Variants in OPCML observed in about 807,000 individuals in gnomAD.
The protein encoded by OPCML is opioid binding protein/cell adhesion molecule like.
In OPCML, 13 loss-of-function variants were observed where a neutral mutation model predicts 37.8. The ratio of observed to expected loss-of-function variants is 0.34; its 90% CI spans 0.22 to 0.55. The LOEUF (loss-of-function observed/expected upper bound fraction) is 0.55, where lower values mean the gene tolerates loss of function less well. Ranked by LOEUF, OPCML falls within the 20% of genes least tolerant of loss-of-function variation. The probability of loss-of-function intolerance (pLI) is 0.91; values close to 1 mark genes in which losing one functional copy is unlikely to be tolerated. For missense variants in OPCML, 341 were observed against 435.6 expected, an observed-to-expected ratio of 0.78 and a Z score of 1.93; for synonymous variants, 176 against 168.8, an observed-to-expected ratio of 1.04 and a Z score of -0.33.
rs115936764 is a variant in OPCML at position 133,363,325 on chromosome 11, G to A, written c.61+168939C>T. Among the ~76,000 whole-genome samples, 924 of 152,304 alleles carry A rather than the reference G, an allele frequency of 6.1e-3. 8 individuals carry two copies. The highest frequency in any genetic ancestry group is 0.02 in the African/African-American group (841 of 41,568). ...GGAAACGAGTCTTCGCCAAGGCAGCGCAGAGGGCCGAGGGGTGGGGCGCAC... is the reference window on the plus strand; with the variant it reads ...GGAAACGAGTCTTCGCCAAGGCAGCACAGAGGGCCGAGGGGTGGGGCGCAC... On this transcript the variant is annotated intron_variant, in intron 1 of 7. Coordinates refer to ENST00000524381, the MANE Select transcript of OPCML (RefSeq NM_001012393.5).
intron 4 of OPCML, among the ~76,000 whole-genome samples, chr11:132,471,053 C>T (rs1297891975): frequency 1.1e-4 from 17 of 151,988 alleles, no homozygotes; most frequent in Non-Finnish European, 2.2e-4. Context: ...AAAAGTGGTT[C>T]GAAAAGAAGC....
chr11:132,533,979 A>G (rs2096333366), intron 3 of OPCML, among the ~76,000 whole-genome samples: 1 of 152,192 alleles, frequency 6.6e-6, no homozygotes, highest in African/African-American at 2.4e-5. Flanking sequence ...ACAATGACTG[A>G]CATGCAGTAA....
chr11:133,326,721 TG>T (rs1385765312), intron 1 of OPCML, among the ~76,000 whole-genome samples: 1 of 67,806 alleles, frequency 1.5e-5, no homozygotes, highest in Non-Finnish European at 2.7e-5. Context: ...GGGGTGTGGG[TG>T]TAGGGGGTAT....
At chr11:132,826,065 A>C (rs963694034) in intron 2 of OPCML, among the ~76,000 whole-genome samples, 2 of 152,200 alleles carry the variant, frequency 1.3e-5, no homozygotes, top group Non-Finnish European at 2.9e-5. Flanking sequence ...TACTGTTGGC[A>C]TGTAGCAGTT....
intron 1 of OPCML, among the ~76,000 whole-genome samples, chr11:133,419,945 T>A (rs75001618): frequency 0.065 from 9,932 of 152,226 alleles, 913 homozygotes; most frequent in African/African-American, 0.2. Context: ...ATATTCAATG[T>A]AAATAAAAAT....
intron 1 of OPCML, among the ~76,000 whole-genome samples, chr11:133,373,898 C>A (rs1555147681): frequency 6.6e-6 from 1 of 151,890 alleles, no homozygotes; most frequent in Non-Finnish European, 1.5e-5. Flanking sequence ...TATGTTTAAC[C>A]ACTTATTTAA....
chr11:133,359,130 T>G (rs921842513), intron 1 of OPCML, among the ~76,000 whole-genome samples: 2 of 152,200 alleles, frequency 1.3e-5, no homozygotes, highest in Non-Finnish European at 2.9e-5. Context: ...CCTCCTATAT[T>G]AAAGTGTTTG....
At chr11:133,245,033 C>A (rs1200029840) in intron 1 of OPCML, among the ~76,000 whole-genome samples, 1 of 152,154 alleles carries the variant, frequency 6.6e-6, no homozygotes, top group African/African-American at 2.4e-5. Context: ...GTGGAATGTT[C>A]CCAAATGCCC....
Position 132,806,115 on chromosome 11 carries a change from C to T in OPCML, c.146+136811G>A, listed in dbSNP as rs149777953. On this transcript the variant is annotated intron_variant, in intron 2 of 7. Transcript: ENST00000524381. ...AAAATTTTAATAAAAAGAGTTATAG[C>T]TAAGAAGTTAATAGAAGAAATAAAT... Among the ~76,000 whole-genome samples the T allele has an allele frequency of 2.7e-3, 408 of 152,032 alleles. 4 individuals are homozygous for T. Among genetic ancestry groups the T allele is most frequent in the South Asian group, 0.026 (125 of 4,818 alleles).
At chr11:133,115,775 T>C (rs1949324168) in intron 1 of OPCML, among the ~76,000 whole-genome samples, 1 of 152,082 alleles carries the variant, frequency 6.6e-6, no homozygotes, top group African/African-American at 2.4e-5. Flanking sequence ...TGATAAAATA[T>C]CTTATAGAAT....
At chr11:133,178,899 ATTC>A (rs1254223576) in intron 1 of OPCML, among the ~76,000 whole-genome samples, 2 of 152,302 alleles carry the variant, frequency 1.3e-5, no homozygotes, top group East Asian at 1.9e-4. Context: ...TCAAAGAAAA[ATTC>A]TTCTATTTTG....
rs1038894664 is a variant in OPCML at position 133,295,084 on chromosome 11, A to G, written c.61+237180T>C. 3.9e-5 allele frequency among the ~76,000 whole-genome samples: 6 copies of G among 151,944 alleles called. No individual in the cohort carries two copies. In the South Asian group the frequency reaches 6.2e-4, roughly 16 times the overall value. ...GGCGATCCACCTGCCTCGGCCTCCC[A>G]AAGTGCTGGGATTACAGGCATGAGC... On this transcript the variant is annotated intron_variant, in intron 1 of 7. Coordinates refer to ENST00000524381, the MANE Select transcript of OPCML (RefSeq NM_001012393.5).
At chr11:133,377,981 T>C (rs983271822) in intron 1 of OPCML, among the ~76,000 whole-genome samples, 1 of 152,242 alleles carries the variant, frequency 6.6e-6, no homozygotes, top group Non-Finnish European at 1.5e-5. Context: ...CACTAGCTGT[T>C]ACAAAGTTTA....
intron 2 of OPCML, among the ~76,000 whole-genome samples, chr11:132,873,586 G>A (rs976185143): frequency 6.6e-6 from 1 of 152,080 alleles, no homozygotes; most frequent in Non-Finnish European, 1.5e-5. Context: ...GCAGGGCTTA[G>A]GCCAAAGGGG....
intron 3 of OPCML, among the ~76,000 whole-genome samples, chr11:132,549,440 A>G (rs1032804850): frequency 5.9e-5 from 9 of 152,208 alleles, no homozygotes; most frequent in African/African-American, 2.2e-4. Context: ...CAAACATCCC[A>G]TGCTGCTGCT....
chr11:132,654,874 G>C (rs887428955), intron 3 of OPCML, among the ~76,000 whole-genome samples: 2 of 119,090 alleles, frequency 1.7e-5, no homozygotes, highest in African/African-American at 6.5e-5. Flanking sequence ...GGACTTCCCA[G>C]GCCACCTCAG....
chr11:132,648,111 T>A (rs1014687008), intron 3 of OPCML, among the ~76,000 whole-genome samples: 2 of 152,230 alleles, frequency 1.3e-5, no homozygotes, highest in African/African-American at 2.4e-5. Context: ...TATTCTGAAT[T>A]CACAGTTTAC....
In OPCML at chr11:133,082,481, CACG is replaced by C. The variant is rs1472946306; in HGVS notation, c.62-139474_62-139472del. On this transcript the variant is annotated intron_variant, in intron 1 of 7. Coordinates refer to ENST00000524381, the MANE Select transcript of OPCML (RefSeq NM_001012393.5). ...CCCATCCTCCCCATCCTCCCCTCCC[CACG>C]CTCCCCTCTTCCCTTCCCCACCTGC... Among the ~76,000 whole-genome samples the C allele has an allele frequency of 4.6e-4, 26 of 56,674 alleles. 4 individuals are homozygous for C. In the East Asian group the frequency reaches 0.015, roughly 33 times the overall value. The allele number at this position is 56,674 out of a possible 152,430, so 37.2% of individuals were successfully genotyped here.
intron 1 of OPCML, among the ~76,000 whole-genome samples, chr11:133,453,753 A>G (rs1334770957): frequency 6.6e-6 from 1 of 152,194 alleles, no homozygotes; most frequent in Non-Finnish European, 1.5e-5. Context: ...ACGTGGCACA[A>G]GCTTTGCCAC....
Sources: gnomAD v4.1 joint callset for allele counts (sites outside exome capture counted in the v4.1 genomes callset) on GRCh38, gnomAD v4.1.1 for gene constraint, MANE v1.5 for transcripts, NCBI Gene and HGNC (gene_info 2026-07-23, HGNC 2026-07-21) for gene names.